Variants in RBFOX1 observed in about 807,000 individuals in gnomAD.
RBFOX1 encodes the protein RNA binding protein fox-1 homolog 1.
RBFOX1 carries 8 observed loss-of-function variants against 57.7 expected under a neutral mutation model. The observed-to-expected ratio is 0.14, with a 90% CI of 0.08 to 0.25. The LOEUF (loss-of-function observed/expected upper bound fraction) is 0.25, where lower values mean the gene tolerates loss of function less well. Ranked by LOEUF, RBFOX1 falls within the 10% of genes least tolerant of loss-of-function variation. The pLI is 1.00. For missense variants in RBFOX1, 611 were observed against 548.5 expected (o/e 1.11, Z -1.14); for synonymous variants, 326 against 222.4 (o/e 1.47, Z -4.15).
chr16:7,435,404 T>C (rs564468787), intron 4 of RBFOX1, among the ~76,000 whole-genome samples: 1 of 152,116 alleles, frequency 6.6e-6, no homozygotes, highest in Non-Finnish European at 1.5e-5. Context: ...AAATGACTTA[T>C]CGCTGTTGAT....
intron 1 of RBFOX1, among the ~76,000 whole-genome samples, chr16:5,280,593 A>G (rs1224861678): frequency 1.3e-5 from 2 of 152,158 alleles, no homozygotes; most frequent in Admixed American, 1.3e-4. Flanking sequence ...ACTTTTTGTT[A>G]CTGATCCAAA....
intron 4 of RBFOX1, among the ~76,000 whole-genome samples, chr16:7,382,899 T>A (rs2097803118): frequency 6.6e-6 from 1 of 152,222 alleles, no homozygotes; most frequent in Admixed American, 6.5e-5. Context: ...CTACATCAAG[T>A]ATGTTTAGTT....
At chr16:6,857,832 G>A (rs551303421) in intron 3 of RBFOX1, among the ~76,000 whole-genome samples, 7 of 152,296 alleles carry the variant, frequency 4.6e-5, no homozygotes, top group Non-Finnish European at 7.3e-5. Context: ...ATTAATTATA[G>A]TGTGTTTGTA....
At chr16:6,929,933 A>G (rs750252669) in intron 3 of RBFOX1, among the ~76,000 whole-genome samples, 83 of 152,316 alleles carry the variant, frequency 5.4e-4, no homozygotes, top group Non-Finnish European at 9.3e-4. Flanking sequence ...TCCACTATGC[A>G]TTCCTTACCC....
rs151086149 is a variant in RBFOX1, at chr16:5,562,512, C to A, written c.259-36390C>A. Among the ~76,000 whole-genome samples, 696 of 151,970 alleles carry A rather than the reference C, an allele frequency of 4.6e-3. 7 individuals are homozygous for A. The highest frequency in any genetic ancestry group is 0.016 in the African/African-American group (652 of 41,464). ...GCCAGGAGGAGAAGAAGGGGGAGGA[C>A]CTGGGGGAGACAGGAAGACCCCAGG... is the stretch of plus-strand genomic sequence containing the variant. On this transcript the variant is annotated intron_variant, in intron 2 of 2. Transcript: ENST00000585867.
intron 2 of RBFOX1, among the ~76,000 whole-genome samples, chr16:6,485,398 T>G (rs2153106951): frequency 6.6e-6 from 1 of 151,332 alleles, no homozygotes; most frequent in African/African-American, 2.5e-5. Context: ...TTCTTCCTCC[T>G]TATCCCATTT....
chr16:7,382,516 T>C (rs1264827842), intron 4 of RBFOX1, among the ~76,000 whole-genome samples: 1 of 152,352 alleles, frequency 6.6e-6, no homozygotes, highest in African/African-American at 2.4e-5. Flanking sequence ...GTTACAAAGA[T>C]AGTGCAGCAG....
chr16:7,215,202 C>T (rs1031633971), intron 4 of RBFOX1, among the ~76,000 whole-genome samples: 1 of 152,152 alleles, frequency 6.6e-6, no homozygotes, highest in Non-Finnish European at 1.5e-5. Context: ...GATGATGGTT[C>T]AGCTTCATCC....
Position 6,916,882 on chromosome 16 carries a change from C to T in RBFOX1, c.-15-135175C>T, listed in dbSNP as rs150925415. On this transcript the variant is annotated intron_variant, in intron 3 of 15. Coordinates refer to ENST00000550418, the MANE Select transcript of RBFOX1 (RefSeq NM_018723.4). ...TTTGTGTGTATAAGATGGAGTCTCTCTCTGTTGCCCAGGCTAGAGTGCAGT... is the reference window on the plus strand; with the variant it reads ...TTTGTGTGTATAAGATGGAGTCTCTTTCTGTTGCCCAGGCTAGAGTGCAGT... Among the ~76,000 whole-genome samples the T allele has an allele frequency of 4.9e-3, 744 of 152,246 alleles. 9 individuals carry two copies. The highest frequency in any genetic ancestry group is 0.027 in the Middle Eastern group (8 of 294).
chr16:7,054,231 A>G (rs375846809), intron 4 of RBFOX1, among the ~76,000 whole-genome samples: 2,580 of 6,244 alleles, frequency 0.41, 16 homozygotes, highest in African/African-American at 0.46. Context: ...GGGGGCGGGG[A>G]GCTTTTTTTT....
chr16:6,145,873 A>G (rs558398902), intron 1 of RBFOX1, among the ~76,000 whole-genome samples: 1 of 152,306 alleles, frequency 6.6e-6, no homozygotes, highest in South Asian at 2.1e-4. Flanking sequence ...GGCCTTGACA[A>G]GACTCTCTCA....
chr16:7,477,105 T>C (rs1246690784), intron 4 of RBFOX1, among the ~76,000 whole-genome samples: 1 of 152,180 alleles, frequency 6.6e-6, no homozygotes, highest in Admixed American at 6.5e-5. Flanking sequence ...CTGTCCTTTT[T>C]TTCTCACTAC....
At chr16:6,561,022 C>T (rs966706174) in intron 2 of RBFOX1, among the ~76,000 whole-genome samples, 1 of 152,194 alleles carries the variant, frequency 6.6e-6, no homozygotes, top group African/African-American at 2.4e-5. Context: ...CAAACGCACC[C>T]TCCAACCACA....
intron 2 of RBFOX1, among the ~76,000 whole-genome samples, chr16:6,413,096 G>C (rs1274093634): frequency 6.6e-6 from 1 of 152,194 alleles, no homozygotes; most frequent in African/African-American, 2.4e-5. Context: ...AAGGCGGGTG[G>C]ATCACCTGAG....
intron 2 of RBFOX1, among the ~76,000 whole-genome samples, chr16:6,486,154 T>C (rs1368258198): frequency 2.2e-5 from 3 of 139,140 alleles, no homozygotes; most frequent in African/African-American, 8.2e-5. Flanking sequence ...ATTTGGAAAA[T>C]ATATTGTCAT....
intron 5 of RBFOX1, among the ~76,000 whole-genome samples, chr16:7,528,035 T>C (rs2079090723): frequency 6.6e-6 from 1 of 152,246 alleles, no homozygotes; most frequent in African/African-American, 2.4e-5. Flanking sequence ...AAGCTGTTCT[T>C]GGTCTAAGTC....
rs548244032 is a variant in RBFOX1 at position 6,034,469 on chromosome 16, G to A, written c.-127+14477G>A. Among the ~76,000 whole-genome samples the A allele has an allele frequency of 1.5e-4, 23 of 151,674 alleles. No homozygotes were observed. The South Asian group carries it at 4.4e-3, about 29-fold the overall frequency. ...GTTCAATGTCTAGTGAGGGATGCCC[G>A]CTCTGCATCCAAGATGGTGCTTCCT... is the stretch of plus-strand genomic sequence containing the variant. On this transcript the variant is annotated intron_variant, in intron 1 of 15. Transcript: ENST00000550418.
chr16:5,393,469 T>C (rs764285674), intron 1 of RBFOX1, among the ~76,000 whole-genome samples: 7 of 152,154 alleles, frequency 4.6e-5, no homozygotes, highest in Non-Finnish European at 1.0e-4. Flanking sequence ...GTTGACAAAG[T>C]TGGAAGAGAG....
At chr16:6,500,892 T>G (rs77073671) in intron 2 of RBFOX1, among the ~76,000 whole-genome samples, 4 of 25,802 alleles carry the variant, frequency 1.6e-4, no homozygotes, top group Non-Finnish European at 6.4e-4. Flanking sequence ...TTTTTTTTTT[T>G]TTTTTTTTTA....
Sources: gnomAD v4.1 joint callset for allele counts (sites outside exome capture counted in the v4.1 genomes callset) on GRCh38, gnomAD v4.1.1 for gene constraint, MANE v1.5 for transcripts, NCBI Gene and HGNC (gene_info 2026-07-23, HGNC 2026-07-21) for gene names.